MYBPC1: variants seen among roughly 807,000 people sequenced by gnomAD.
MYBPC1 encodes the protein myosin binding protein C1.
In MYBPC1, 52 loss-of-function variants were observed where a neutral mutation model predicts 147.1. That is an observed-to-expected ratio of 0.35 (90% confidence interval 0.28 to 0.45). MYBPC1 has a LOEUF of 0.45. Ranked by LOEUF, MYBPC1 falls within the 20% of genes least tolerant of loss-of-function variation. The pLI is 1.00. For missense variants in MYBPC1, 1,228 were observed against 1,440.3 expected (o/e 0.85, Z 2.39); for synonymous variants, 477 against 475.9 (o/e 1.00, Z -0.03).
chr12:101,630,675 T>C (rs1253943704), intron 6 of MYBPC1, among the ~76,000 whole-genome samples: 1 of 152,198 alleles, frequency 6.6e-6, no homozygotes, highest in Non-Finnish European at 1.5e-5. Flanking sequence ...ATATACCTCC[T>C]GTTTTAGGCA....
At position 101,654,845 on chromosome 12, in the gene MYBPC1, A is replaced by G. The variant is rs1895249400; in HGVS notation, c.1767+1597A>G. Among the ~76,000 whole-genome samples, 3 of 152,218 alleles carry G rather than the reference A, an allele frequency of 2.0e-5. No homozygotes were observed. In the South Asian group the frequency reaches 6.2e-4, roughly 31 times the overall value. On this transcript the variant is annotated intron_variant, in intron 18 of 31. Coordinates refer to ENST00000361466, the MANE Select transcript of MYBPC1 (RefSeq NM_002465.4). The stretch of plus-strand genomic sequence containing the variant: ...AAGCCTTGCCTTGGTTGCAGGAATA[A>G]TTAACCCTAGACTGAGCACTGTCAT...
At chr12:101,614,635 T>A in intron 2 of MYBPC1, 104 bp downstream of exon 2, 3 of 1,147,034 alleles carry the variant, frequency 2.6e-6, no homozygotes, top group African/African-American at 1.5e-5. Flanking sequence ...AGCTTTAACC[T>A]AACTCCTACT....
intron 3 of MYBPC1, among the ~76,000 whole-genome samples, chr12:101,617,781 C>T (rs905295759): frequency 7.2e-5 from 11 of 152,120 alleles, no homozygotes; most frequent in Non-Finnish European, 1.0e-4. Flanking sequence ...GGAAACTATT[C>T]CTGTAATATT....
chr12:101,690,902 T>C (rs1951402573), downstream of MYBPC1, among the ~76,000 whole-genome samples: 1 of 152,158 alleles, frequency 6.6e-6, no homozygotes. Flanking sequence ...AGTACGAAAC[T>C]ATAAAAGTAT....
intron 21 of MYBPC1, among the ~76,000 whole-genome samples, chr12:101,663,161 CCTT>C (rs771961615): frequency 7.9e-5 from 12 of 152,016 alleles, no homozygotes; most frequent in Non-Finnish European, 1.8e-4. Flanking sequence ...CCAAACCTTG[CCTT>C]CTTCAACTTC....
In MYBPC1 at chr12:101,613,792, ACTCCAAGCACGTATG is replaced by A. The variant is rs545074284; in HGVS notation, c.26-701_26-687del. ...TTTGGATAGGTGTAGGTGGGAATCT[ACTCCAAGCACGTATG>A]CTTCCAGAAACAACTCTGAGAGGGC... On this transcript the variant is annotated intron_variant, in intron 1 of 31. Transcript: ENST00000361466. Among the ~76,000 whole-genome samples, 359 of 152,214 alleles carry A rather than the reference ACTCCAAGCACGTATG, an allele frequency of 2.4e-3. 2 individuals are homozygous for A. Among genetic ancestry groups the A allele is most frequent in the African/African-American group, 8.1e-3 (336 of 41,548 alleles).
Position 101,647,576 on chromosome 12 carries a change from G to GAAAACAAAACAAAAC in MYBPC1, c.1091-458_1091-444dup, listed in dbSNP as rs76794158. Among the ~76,000 whole-genome samples the GAAAACAAAACAAAAC allele has an allele frequency of 1.6e-3, 248 of 151,914 alleles. 3 individuals carry two copies. In the East Asian group the frequency reaches 0.037, roughly 23 times the overall value. On this transcript the variant is annotated intron_variant, in intron 13 of 31. Coordinates refer to ENST00000361466, the MANE Select transcript of MYBPC1 (RefSeq NM_002465.4). ...ATTTATTTTGCCAAGAACAGACATAGAAAACAAAACAAAACAAAACAAAAC... is the reference window on the plus strand; with the variant it reads ...ATTTATTTTGCCAAGAACAGACATAGAAAACAAAACAAAACAAAACAAAACAAAACAAAACAAAAC...
rs115192302 is a variant in MYBPC1 at position 101,619,264 on chromosome 12, C to A, written c.103+2021C>A. ...TAACCATCCAACTCAGGTTTCACTT[C>A]TTTGAACAGCTTTCTCCTGACCATC... On this transcript the variant is annotated intron_variant, in intron 3 of 31. Transcript: ENST00000361466. Among the ~76,000 whole-genome samples, 1,143 of 152,030 alleles carry A rather than the reference C, an allele frequency of 7.5e-3. 28 individuals carry two copies. Among genetic ancestry groups the A allele is most frequent in the African/African-American group, 0.026 (1,089 of 41,472 alleles).
chr12:101,596,825 C>T (rs1877433584), intron 1 of MYBPC1, among the ~76,000 whole-genome samples: 1 of 152,120 alleles, frequency 6.6e-6, no homozygotes, highest in Non-Finnish European at 1.5e-5. Flanking sequence ...GCTAAAGACT[C>T]CATCATCTTC....
intron 18 of MYBPC1, 45 bp from the exon 19 acceptor site, chr12:101,659,627 G>A (rs565143841): frequency 2.5e-6 from 4 of 1,609,110 alleles, no homozygotes; most frequent in East Asian, 2.2e-5. Context: ...AAGTAGCCCT[G>A]TTTATTGTGT....
intron 5 of MYBPC1, 126 bp from the exon 6 acceptor site, chr12:101,629,308 T>C (rs1889305278): frequency 1.4e-6 from 1 of 721,194 alleles, no homozygotes; most frequent in Non-Finnish European, 2.5e-6. Context: ...AAGAATGATG[T>C]TGTATTTATC....
intron 24 of MYBPC1, among the ~76,000 whole-genome samples, chr12:101,672,976 C>T (rs1175014131): frequency 6.6e-6 from 1 of 152,194 alleles, no homozygotes; most frequent in African/African-American, 2.4e-5. Context: ...GCACAGAAAG[C>T]TTAGTAACTT....
the MYBPC1 span, among the ~76,000 whole-genome samples, chr12:101,694,759 C>CCT: frequency 1.3e-5 from 2 of 149,890 alleles, no homozygotes; most frequent in African/African-American, 4.9e-5. Context: ...AATACATCTG[C>CCT]TTTTTTTTTT....
rs761834207 is a variant in MYBPC1 at position 101,675,258 on chromosome 12, GACCTTGCAGTGAC to G, written c.2810-30_2810-18del. ...CAAAATGTAGACTGGGAAAGAAAGTGACCTTGCAGTGACACCATGAATTCATCCTGTAGACCGT... is the reference window on the plus strand; with the variant it reads ...CAAAATGTAGACTGGGAAAGAAAGTGACCATGAATTCATCCTGTAGACCGT... On this transcript the variant is annotated intron_variant, in intron 25 of 31. Transcript: ENST00000361466. 8 of 1,613,360 alleles carry G rather than the reference GACCTTGCAGTGAC, an allele frequency of 5.0e-6. No homozygotes were observed. In the African/African-American group the frequency reaches 1.1e-4, roughly 22 times the overall value.
intron 1 of MYBPC1, among the ~76,000 whole-genome samples, chr12:101,614,165 T>G (rs1456002174): frequency 7.9e-5 from 12 of 152,148 alleles, no homozygotes; most frequent in Admixed American, 5.9e-4. Flanking sequence ...CCGGCCTGCC[T>G]CTGGAGGGGA....
At chr12:101,597,047 G>A (rs1301292190) in intron 1 of MYBPC1, among the ~76,000 whole-genome samples, 1 of 152,170 alleles carries the variant, frequency 6.6e-6, no homozygotes, top group African/African-American at 2.4e-5. Flanking sequence ...ACTGTACCTT[G>A]AAAAGCTTTC....
chr12:101,661,675 A>G (rs1465850881), intron 20 of MYBPC1, among the ~76,000 whole-genome samples: 1 of 151,946 alleles, frequency 6.6e-6, no homozygotes, highest in Non-Finnish European at 1.5e-5. Context: ...GATCACTTGA[A>G]GCTAGGAATT....
At chr12:101,632,874 C>T (rs977652473) in intron 8 of MYBPC1, among the ~76,000 whole-genome samples, 6 of 152,046 alleles carry the variant, frequency 3.9e-5, no homozygotes, top group Admixed American at 6.6e-5. Context: ...GGATTACAGG[C>T]GTGTGCCACC....
At chr12:101,629,111 T>C in intron 5 of MYBPC1, 1 of 374,978 alleles carries the variant, frequency 2.7e-6, no homozygotes. Context: ...CACCATTGTT[T>C]ACCTGTTAGG....
Sources: gnomAD v4.1 joint callset for allele counts (sites outside exome capture counted in the v4.1 genomes callset) on GRCh38, gnomAD v4.1.1 for gene constraint, MANE v1.5 for transcripts, NCBI Gene and HGNC (gene_info 2026-07-23, HGNC 2026-07-21) for gene names.